ZNF600: variants seen among roughly 807,000 people sequenced by gnomAD.
ZNF600 encodes zinc finger protein 600, also known as zinc finger protein KR-ZNF1.
ZNF600 carries 4 observed loss-of-function variants against 7.3 expected under a neutral mutation model. The observed-to-expected ratio is 0.55, with a 90% CI of 0.27 to 1.25. The LOEUF (loss-of-function observed/expected upper bound fraction) is 1.25. Ranked by LOEUF, ZNF600 falls within the 50% of genes most tolerant of loss-of-function variation. ZNF600 has a pLI of 0.12. For missense variants in ZNF600, 911 were observed against 922.1 expected, an observed-to-expected ratio of 0.99 and a Z score of 0.16; for synonymous variants, 290 against 308.9, an observed-to-expected ratio of 0.94 and a Z score of 0.64.
At chr19:52,815,610 G>A in the ZNF600 span, among the ~76,000 whole-genome samples, 2 of 146,582 alleles carry the variant, frequency 1.4e-5, no homozygotes, top group South Asian at 2.3e-4. Context: ...GAATCATGAG[G>A]TCAGGAGATC....
At chr19:52,801,046 C>T in the ZNF600 span, 1 of 1,614,048 alleles carries the variant, frequency 6.2e-7, no homozygotes, top group Non-Finnish European at 8.5e-7. Context: ...GGTTTCTCAT[C>T]AATGTGAGAT....
chr19:52,833,128 C>T, the ZNF600 span, among the ~76,000 whole-genome samples: 1 of 152,160 alleles, frequency 6.6e-6, no homozygotes, highest in Non-Finnish European at 1.5e-5. Flanking sequence ...TACAAAATGT[C>T]TCCCCTTATT....
At chr19:52,798,175 A>C in the ZNF600 span, 1 of 157,324 alleles carries the variant, frequency 6.4e-6, no homozygotes, top group African/African-American at 2.4e-5. Context: ...AAATGAAAAC[A>C]CAGGCTGGGA....
chr19:52,810,426 C>T, the ZNF600 span: 1 of 1,602,798 alleles, frequency 6.2e-7, no homozygotes, highest in Non-Finnish European at 8.5e-7. Context: ...TAGTGGCCAT[C>T]CCAAAGGGTT....
exon 4 of ZNF600, chr19:52,767,248 C>T: frequency 6.2e-7 from 1 of 1,614,152 alleles, no homozygotes; most frequent in Non-Finnish European, 8.5e-7. Flanking sequence ...CAATTAAAGG[C>T]TTTGCCACTC....
At chr19:52,828,337 GC>G in the ZNF600 span, among the ~76,000 whole-genome samples, 1 of 152,050 alleles carries the variant, frequency 6.6e-6, no homozygotes, top group African/African-American at 2.4e-5. Context: ...CAGGCATGAG[GC>G]ACTGCACCCG....
chr19:52,768,253 A>T (rs1334752197), intron 3 of ZNF600, among the ~76,000 whole-genome samples: 1 of 151,972 alleles, frequency 6.6e-6, no homozygotes, highest in African/African-American at 2.4e-5. Flanking sequence ...CTGTATTTTC[A>T]AACAATTATA....
the ZNF600 span, among the ~76,000 whole-genome samples, chr19:52,818,842 G>GA: frequency 3.5e-5 from 5 of 142,366 alleles, no homozygotes; most frequent in African/African-American, 1.1e-4. Flanking sequence ...AAGATCACAA[G>GA]ACTGCACTCA....
chr19:52,792,129 A>C, the ZNF600 span, among the ~76,000 whole-genome samples: 4 of 152,246 alleles, frequency 2.6e-5, no homozygotes, highest in African/African-American at 9.6e-5. Context: ...GCGTGAGCCC[A>C]GCACAGCCCC....
rs2062600978 is a variant in ZNF600, at chr19:52,767,783, T to A, written c.191-11A>T. 6.5e-7 allele frequency: 1 copy of A among 1,544,088 alleles called. No individual in the cohort carries two copies. The highest frequency in any genetic ancestry group is 8.7e-7 in the Non-Finnish European group (1 of 1,150,178). ...GTTTGGAAGAGATATCTACAAAATA[T>A]AAACAACAATAGGTTTCCAATTAAG... On this transcript the variant is annotated splice_polypyrimidine_tract_variant and intron_variant, in intron 3 of 3. Transcript: ENST00000648973.
chr19:52,829,820 CT>C, the ZNF600 span, among the ~76,000 whole-genome samples: 1 of 152,064 alleles, frequency 6.6e-6, no homozygotes, highest in Non-Finnish European at 1.5e-5. Context: ...CCAGTCTAAG[CT>C]GTTTCTGACA....
the ZNF600 span, chr19:52,807,743 G>A: frequency 3.6e-6 from 2 of 554,498 alleles, no homozygotes; most frequent in African/African-American, 3.8e-5. Flanking sequence ...CCAAGGTGCT[G>A]GGATAACAGG....
the ZNF600 span, among the ~76,000 whole-genome samples, chr19:52,794,242 G>GT: frequency 6.6e-6 from 1 of 152,100 alleles, no homozygotes; most frequent in Non-Finnish European, 1.5e-5. Flanking sequence ...TTCCATTCCG[G>GT]TATTTGTGGG....
the ZNF600 span, among the ~76,000 whole-genome samples, chr19:52,812,297 G>A: frequency 1.4e-5 from 2 of 141,382 alleles, 1 homozygote; most frequent in Non-Finnish European, 3.0e-5. Context: ...GGGCCATGAT[G>A]ACAATGGCGG....
intron 1 of ZNF600, among the ~76,000 whole-genome samples, chr19:52,785,219 C>G (rs2062754097): frequency 6.6e-6 from 1 of 151,816 alleles, no homozygotes. Context: ...ACCTCTTCTG[C>G]TCCATTCTCA....
At chr19:52,788,626 C>G (rs1214412896), upstream of ZNF600, among the ~76,000 whole-genome samples, 3 of 152,094 alleles carry the variant, frequency 2.0e-5, no homozygotes, top group Non-Finnish European at 4.4e-5. Flanking sequence ...CTCCCTCCTG[C>G]AAAAGTCCAC....
chr19:52,766,254 T>C (rs1241611712), exon 4 of ZNF600: 8 of 1,614,048 alleles, frequency 5.0e-6, no homozygotes, highest in Middle Eastern at 1.6e-4. Flanking sequence ...GCTGCACTCA[T>C]TACACTTGTA....
At chr19:52,786,739 G>T (rs1402976252) in exon 1 of ZNF600, 2 of 380,196 alleles carry the variant, frequency 5.3e-6, no homozygotes, top group Non-Finnish European at 1.1e-5. Context: ...ACGCGCCGTG[G>T]TAGGACCTTC....
the ZNF600 span, among the ~76,000 whole-genome samples, chr19:52,810,866 C>T: frequency 6.1e-4 from 1 of 1,628 alleles, no homozygotes; most frequent in African/African-American, 3.0e-3. Context: ...TCTCCCCCTC[C>T]CCCTCCCCCT....
Sources: allele counts gnomAD v4.1 joint callset (sites outside exome capture counted in the v4.1 genomes callset), GRCh38; gene constraint gnomAD v4.1.1; transcripts MANE v1.5; gene names NCBI Gene and HGNC (gene_info 2026-07-23, HGNC 2026-07-21).